The following MGMT variants were observed in gnomAD, a reference collection of about 807,000 sequenced individuals.
MGMT encodes methylated-DNA--protein-cysteine methyltransferase.
MGMT carries 14 observed loss-of-function variants against 15.9 expected under a neutral mutation model. The ratio of observed to expected loss-of-function variants is 0.88; its 90% CI spans 0.58 to 1.37. The LOEUF (loss-of-function observed/expected upper bound fraction) is 1.37, where lower values mean the gene tolerates loss of function less well. Ranked by LOEUF, MGMT falls within the 40% of genes most tolerant of loss-of-function variation. The probability of loss-of-function intolerance (pLI) is 0.00; values close to 1 mark genes in which losing one functional copy is unlikely to be tolerated. For missense variants in MGMT, 282 were observed against 268.1 expected (o/e 1.05, Z -0.36); for synonymous variants, 130 against 118.2 (o/e 1.10, Z -0.65).
At chr10:129,663,247 G>T (rs1847621184) in intron 2 of MGMT, among the ~76,000 whole-genome samples, 2 of 152,070 alleles carry the variant, frequency 1.3e-5, no homozygotes, top group African/African-American at 4.8e-5. Flanking sequence ...TCCACCTAGA[G>T]ACTTAAAACC....
intron 2 of MGMT, among the ~76,000 whole-genome samples, chr10:129,678,496 A>G (rs897745817): frequency 6.6e-6 from 1 of 152,132 alleles, no homozygotes; most frequent in African/African-American, 2.4e-5. Context: ...GGGCTGTGTT[A>G]GAAAGCATGC....
Position 129,568,708 on chromosome 10 carries a change from C to T in MGMT, c.125+32331C>T, listed in dbSNP as rs568221975. Among the ~76,000 whole-genome samples the T allele has an allele frequency of 1.6e-3, 242 of 152,298 alleles. 1 individual carries two copies. Among genetic ancestry groups the T allele is most frequent in the African/African-American group, 5.5e-3 (228 of 41,576 alleles). On this transcript the variant is annotated intron_variant, in intron 2 of 4. Transcript: ENST00000651593. Reference sequence around the variant, plus strand: ...CATTGAGTTCCTCCCTCTGACAGCTCCTATGGACCTGGAGGGCTCTGGTTT... The same window carrying T: ...CATTGAGTTCCTCCCTCTGACAGCTTCTATGGACCTGGAGGGCTCTGGTTT...
intron 1 of MGMT, among the ~76,000 whole-genome samples, chr10:129,480,826 T>C (rs778600269): frequency 1.3e-5 from 2 of 152,250 alleles, no homozygotes; most frequent in African/African-American, 2.4e-5. Flanking sequence ...CCGCCAGATA[T>C]GCAAGTCTGA....
chr10:129,687,384 C>T (rs902110474), intron 2 of MGMT, among the ~76,000 whole-genome samples: 30 of 151,954 alleles, frequency 2.0e-4, no homozygotes, highest in East Asian at 1.5e-3. Flanking sequence ...AGTTAAGGAG[C>T]GCCGACGCCA....
intron 2 of MGMT, among the ~76,000 whole-genome samples, chr10:129,703,559 C>T (rs903204387): frequency 8.5e-5 from 13 of 152,158 alleles, no homozygotes; most frequent in African/African-American, 3.1e-4. Flanking sequence ...TGAAGACTAA[C>T]CCTGACCTTG....
chr10:129,589,349 G>A (rs1001065072), intron 2 of MGMT, among the ~76,000 whole-genome samples: 8 of 152,192 alleles, frequency 5.3e-5, no homozygotes, highest in African/African-American at 1.9e-4. Context: ...GTGGGGCCTG[G>A]CACACGCCCT....
chr10:129,765,665 A>G (rs948455133), intron 4 of MGMT, among the ~76,000 whole-genome samples: 2 of 152,204 alleles, frequency 1.3e-5, no homozygotes, highest in African/African-American at 4.8e-5. Flanking sequence ...TGGCCTCCCC[A>G]GCCAAGGCAG....
chr10:129,681,789 A>T (rs1847855922), intron 2 of MGMT, among the ~76,000 whole-genome samples: 1 of 152,186 alleles, frequency 6.6e-6, no homozygotes, highest in African/African-American at 2.4e-5. Flanking sequence ...GAAATCCTGG[A>T]GGCACTCACC....
At chr10:129,520,812 A>G (rs1400520705) in intron 1 of MGMT, among the ~76,000 whole-genome samples, 2 of 148,998 alleles carry the variant, frequency 1.3e-5, no homozygotes, top group Non-Finnish European at 3.0e-5. Context: ...CAGAGCCCCT[A>G]CGGTGCGGGT....
At chr10:129,717,975 G>A (rs1177391106) in intron 3 of MGMT, 1 of 152,174 alleles carries the variant, frequency 6.6e-6, no homozygotes, top group Non-Finnish European at 1.5e-5. Flanking sequence ...TGGTGATTTT[G>A]GAAATGGAAT....
At chr10:129,686,074 T>C (rs1339840790) in intron 2 of MGMT, among the ~76,000 whole-genome samples, 1 of 152,224 alleles carries the variant, frequency 6.6e-6, no homozygotes, top group Non-Finnish European at 1.5e-5. Flanking sequence ...AGAAAATTAC[T>C]CCTTTGGCTT....
chr10:129,518,797 A>C (rs557860927), intron 1 of MGMT, among the ~76,000 whole-genome samples: 1 of 151,528 alleles, frequency 6.6e-6, no homozygotes, highest in South Asian at 2.1e-4. Context: ...GTAGGGTATT[A>C]GCAGTTAAGT....
At chr10:129,608,169 G>A (rs1846915154) in intron 2 of MGMT, among the ~76,000 whole-genome samples, 1 of 152,212 alleles carries the variant, frequency 6.6e-6, no homozygotes, top group African/African-American at 2.4e-5. Context: ...ACGTTGACTT[G>A]CAATATGGAG....
At chr10:129,752,566 C>A (rs1391682498) in intron 3 of MGMT, among the ~76,000 whole-genome samples, 2 of 151,522 alleles carry the variant, frequency 1.3e-5, no homozygotes, top group African/African-American at 4.8e-5. Context: ...CTATTTTTAA[C>A]TTGTTTTAGT....
At chr10:129,490,226 T>A (rs58078811) in intron 1 of MGMT, among the ~76,000 whole-genome samples, 14,254 of 152,248 alleles carry the variant, frequency 0.094, 824 homozygotes, top group East Asian at 0.3. Context: ...GAAAACTTTT[T>A]AAAAATTATG....
intron 3 of MGMT, among the ~76,000 whole-genome samples, chr10:129,720,792 G>A (rs1014488956): frequency 3.9e-5 from 6 of 152,220 alleles, no homozygotes; most frequent in Non-Finnish European, 8.8e-5. Flanking sequence ...CCCATTTTCA[G>A]AGTTTTGTTT....
At chr10:129,717,146 A>T (rs991321059) in intron 3 of MGMT, among the ~76,000 whole-genome samples, 1 of 152,234 alleles carries the variant, frequency 6.6e-6, no homozygotes, top group Non-Finnish European at 1.5e-5. Context: ...CAGCCCGGCA[A>T]CACAAAAATA....
Position 129,485,417 on chromosome 10 carries a change from C to T in MGMT, c.-13+18121C>T, listed in dbSNP as rs74162168. ...CCGTTCTCTGGCGGCTGGCTCACTT[C>T]ACTTCCCTTTCCTTGGGGAGCATAG... On this transcript the variant is annotated intron_variant, in intron 1 of 4. Coordinates refer to ENST00000651593, the MANE Select transcript of MGMT (RefSeq NM_002412.5). Among the ~76,000 whole-genome samples the T allele has an allele frequency of 5.0e-3, 757 of 152,316 alleles. 11 individuals are homozygous for T. The highest frequency in any genetic ancestry group is 0.018 in the African/African-American group (730 of 41,570).
At chr10:129,624,230 CCTCA>C (rs1265226352) in intron 2 of MGMT, among the ~76,000 whole-genome samples, 9 of 152,258 alleles carry the variant, frequency 5.9e-5, no homozygotes, top group Non-Finnish European at 1.2e-4. Flanking sequence ...GGTTTGTGCA[CCTCA>C]CTCACGGCAG....
Sources: gnomAD v4.1 joint callset for allele counts (sites outside exome capture counted in the v4.1 genomes callset) on GRCh38, gnomAD v4.1.1 for gene constraint, MANE v1.5 for transcripts, NCBI Gene and HGNC (gene_info 2026-07-23, HGNC 2026-07-21) for gene names.